The following TMCO6 variants were observed in gnomAD, a reference collection of about 807,000 sequenced individuals.
TMCO6 encodes the protein transmembrane and coiled-coil domain-containing protein 6.
In TMCO6, 47 loss-of-function variants were observed where a neutral mutation model predicts 61.8. The observed-to-expected ratio is 0.76, with a 90% CI of 0.60 to 0.97. The LOEUF (loss-of-function observed/expected upper bound fraction) is 0.97. Ranked by LOEUF, TMCO6 falls within the 50% of genes least tolerant of loss-of-function variation. The pLI is 0.00. For missense variants in TMCO6, 557 were observed against 601.6 expected (o/e 0.93, Z 0.78); for synonymous variants, 261 against 254.2 (o/e 1.03, Z -0.25).
chr5:140,628,090 C>A, the TMCO6 span, among the ~76,000 whole-genome samples: 1 of 150,840 alleles, frequency 6.6e-6, no homozygotes, highest in Non-Finnish European at 1.5e-5. Context: ...CTCACCACAA[C>A]CTCCGCCTCC....
the TMCO6 span, among the ~76,000 whole-genome samples, chr5:140,608,667 AT>A: frequency 6.6e-6 from 1 of 152,174 alleles, no homozygotes; most frequent in East Asian, 1.9e-4. Context: ...TGTGGAATTA[AT>A]TTTTGTATAT....
chr5:140,633,514 C>A, the TMCO6 span: 2 of 247,190 alleles, frequency 8.1e-6, no homozygotes, highest in South Asian at 6.1e-5. Context: ...CACTATCCAA[C>A]CCCCCAATCC....
chr5:140,630,394 A>G, the TMCO6 span, among the ~76,000 whole-genome samples: 4 of 152,172 alleles, frequency 2.6e-5, no homozygotes, highest in Non-Finnish European at 4.4e-5. Flanking sequence ...AAAATACCAT[A>G]GACTGGTGGC....
At chr5:140,615,440 A>C in the TMCO6 span, among the ~76,000 whole-genome samples, 1 of 152,184 alleles carries the variant, frequency 6.6e-6, no homozygotes, top group Non-Finnish European at 1.5e-5. Context: ...GGAAAAATTC[A>C]TTTCAAAATT....
chr5:140,641,273 GAA>G (rs960882049), intron 2 of TMCO6: 1 of 165,750 alleles, frequency 6.0e-6, no homozygotes, highest in East Asian at 1.7e-4. Flanking sequence ...GTAAAAAAAA[GAA>G]AAAGAAAAAG....
intron 2 of TMCO6, among the ~76,000 whole-genome samples, 171 bp downstream of exon 2, chr5:140,640,022 C>A (rs1469272387): frequency 6.6e-6 from 1 of 152,206 alleles, no homozygotes; most frequent in East Asian, 1.9e-4. Context: ...GACCCACAAC[C>A]CCATATCGAT....
At chr5:140,647,318 G>A (rs1433497968), downstream of TMCO6, 1 of 1,597,690 alleles carries the variant, frequency 6.3e-7, no homozygotes, top group Non-Finnish European at 8.5e-7. Flanking sequence ...GGGTAGGTCG[G>A]GATTCGCCTT....
Position 140,641,682 on chromosome 5 carries a change from G to A in TMCO6, c.216G>A (p.Arg72=), listed in dbSNP as rs768760372. 4.3e-6 allele frequency: 7 copies of A among 1,613,928 alleles called. No individual in the cohort carries two copies. The African/African-American group carries it at 9.3e-5, about 22-fold the overall frequency. The change falls in exon 3 of 12, where the codon CGG becomes CGA. Residue 72 remains arginine (R), a synonymous_variant. Transcript: ENST00000394671. ...AACTCCAGGTGCAGCAGTTCCTGCG[G>A]CAAGCCCAGCGGGGGACAGAGGAAA... is the stretch of plus-strand genomic sequence containing the variant. ...LGETEVQQFL[R]QAQRGTEEKE...
At chr5:140,614,980 G>T in the TMCO6 span, among the ~76,000 whole-genome samples, 1 of 152,140 alleles carries the variant, frequency 6.6e-6, no homozygotes, top group African/African-American at 2.4e-5. Context: ...GAAATAGAAG[G>T]CATCCAAATT....
At chr5:140,599,718 T>C in the TMCO6 span, among the ~76,000 whole-genome samples, 3 of 152,082 alleles carry the variant, frequency 2.0e-5, no homozygotes, top group African/African-American at 7.2e-5. Flanking sequence ...CTGGTCAACA[T>C]GGGGAAACCC....
At chr5:140,618,568 T>G in the TMCO6 span, among the ~76,000 whole-genome samples, 1 of 152,018 alleles carries the variant, frequency 6.6e-6, no homozygotes, top group South Asian at 2.1e-4. Flanking sequence ...GTCATGGGGG[T>G]TTGTTGTACA....
chr5:140,634,646 C>T (rs1038015413), upstream of TMCO6, among the ~76,000 whole-genome samples: 12 of 151,860 alleles, frequency 7.9e-5, no homozygotes, highest in Non-Finnish European at 7.4e-5. Flanking sequence ...CCACCATGCC[C>T]GGCTAATTTT....
At chr5:140,612,372 C>T in the TMCO6 span, among the ~76,000 whole-genome samples, 1 of 143,650 alleles carries the variant, frequency 7.0e-6, no homozygotes. Flanking sequence ...CGGAGTCTCG[C>T]TCTTTCACCC....
chr5:140,644,695 C>T lies in TMCO6; in HGVS notation c.1323C>T (p.Gly441=). Residue 441 remains glycine, a synonymous_variant, in exon 11 of 12, where the codon GGC becomes GGT. Coordinates refer to ENST00000394671, the MANE Select transcript of TMCO6 (RefSeq NM_018502.5). ...CCTTTTCTGACACTGAAGTAGTAGG[C>T]CAGAGTTTGGAGCTGCTGCATCTGC... ...TLAFSDTEVV[G]QSLELLHLLF... 13 of 1,614,222 alleles carry T rather than the reference C, an allele frequency of 8.1e-6. No homozygotes were observed. Among genetic ancestry groups the T allele is most frequent in the Non-Finnish European group, 1.0e-5 (12 of 1,180,042 alleles).
At chr5:140,624,334 A>C in the TMCO6 span, among the ~76,000 whole-genome samples, 1 of 151,994 alleles carries the variant, frequency 6.6e-6, no homozygotes, top group Non-Finnish European at 1.5e-5. Context: ...TTTGCACTCC[A>C]GCCTGGGTAA....
At chr5:140,600,037 C>G in the TMCO6 span, among the ~76,000 whole-genome samples, 1 of 151,998 alleles carries the variant, frequency 6.6e-6, no homozygotes, top group South Asian at 2.1e-4. Flanking sequence ...CTGGCATTCC[C>G]CCAGTGGTAT....
chr5:140,612,097 G>A, the TMCO6 span, among the ~76,000 whole-genome samples: 1 of 152,140 alleles, frequency 6.6e-6, no homozygotes, highest in Non-Finnish European at 1.5e-5. Flanking sequence ...CAGAGCAGGA[G>A]CAAAAGAGGA....
downstream of TMCO6, among the ~76,000 whole-genome samples, chr5:140,646,776 G>A (rs111410731): frequency 5.3e-5 from 8 of 152,218 alleles, no homozygotes; most frequent in African/African-American, 1.4e-4. Context: ...TAACAATAGT[G>A]CAAAACAAAG....
At chr5:140,621,199 C>G in the TMCO6 span, among the ~76,000 whole-genome samples, 22 of 152,286 alleles carry the variant, frequency 1.4e-4, no homozygotes, top group African/African-American at 4.8e-4. Context: ...TGTTCTACTT[C>G]CTTCAAAGAC....
Sources: gnomAD v4.1 joint callset for allele counts (sites outside exome capture counted in the v4.1 genomes callset) on GRCh38, gnomAD v4.1.1 for gene constraint, MANE v1.5 for transcripts, NCBI Gene and HGNC (gene_info 2026-07-23, HGNC 2026-07-21) for gene names.